Variants in HCFC2 observed in about 807,000 individuals in gnomAD.
HCFC2 encodes the protein host cell factor C2.
In HCFC2, 18 loss-of-function variants were observed where a neutral mutation model predicts 89.2. The observed-to-expected ratio is 0.20, with a 90% CI of 0.14 to 0.30. The LOEUF is 0.30. Among genes scored for constraint, HCFC2 ranks in the 10% least tolerant of loss-of-function variants. HCFC2 has a pLI of 1.00. For missense variants in HCFC2, 578 were observed against 956.1 expected (o/e 0.60, Z 5.21); for synonymous variants, 308 against 335.7 (o/e 0.92, Z 0.90).
intron 9 of HCFC2, among the ~76,000 whole-genome samples, chr12:104,090,237 T>C (rs908865037): frequency 2.0e-5 from 3 of 152,248 alleles, no homozygotes; most frequent in Non-Finnish European, 2.9e-5. Context: ...ATTGGAAGTT[T>C]TTCCCTCAGA....
chr12:104,085,149 A>G (rs890782589), intron 7 of HCFC2, among the ~76,000 whole-genome samples: 2 of 152,232 alleles, frequency 1.3e-5, no homozygotes, highest in African/African-American at 4.8e-5. Context: ...GACACACACC[A>G]AAGCATTATC....
At chr12:104,092,000 TGAG>T (rs955405467) in intron 9 of HCFC2, among the ~76,000 whole-genome samples, 8 of 152,126 alleles carry the variant, frequency 5.3e-5, no homozygotes, top group Admixed American at 5.2e-4. Flanking sequence ...CTCAGAGCTA[TGAG>T]AAATTATGAG....
intron 3 of HCFC2, among the ~76,000 whole-genome samples, chr12:104,076,839 C>T (rs1262220958): frequency 6.6e-6 from 1 of 152,046 alleles, no homozygotes; most frequent in Admixed American, 6.6e-5. Context: ...TATAATAGGG[C>T]AGTTTTATTC....
In HCFC2 at chr12:104,104,692, A is replaced by C. The variant is rs926439553; in HGVS notation, c.*1419A>C. 1.3e-5 allele frequency: 2 copies of C among 151,996 alleles called. No homozygotes were observed. The highest frequency in any genetic ancestry group is 2.9e-5 in the Non-Finnish European group (2 of 67,862). The allele number at this position is 151,996 out of a possible 1,614,324, so 9.4% of individuals were successfully genotyped here. ...AATTTAAAGTGTATAGAATATTTTA[A>C]TATATAATTTTTGTAAAGAACTGGG... On this transcript the variant is annotated 3_prime_UTR_variant, in exon 15 of 15. Transcript: ENST00000229330.
chr12:104,096,291 T>G, intron 11 of HCFC2, 69 bp from the exon 12 acceptor site: 1 of 1,052,880 alleles, frequency 9.5e-7, no homozygotes, highest in Non-Finnish European at 1.4e-6. Context: ...AAATATATAT[T>G]TAAAAATTAT....
chr12:104,069,736 G>C (rs909639963), intron 3 of HCFC2, among the ~76,000 whole-genome samples: 5 of 151,484 alleles, frequency 3.3e-5, no homozygotes, highest in Admixed American at 1.3e-4. Context: ...GAATGTGCAG[G>C]TTTGTTACAT....
Position 104,106,061 on chromosome 12 carries a change from A to T in HCFC2, c.*2788A>T, listed in dbSNP as rs2030077009. On this transcript the variant is annotated 3_prime_UTR_variant, in exon 15 of 15. Transcript: ENST00000229330. ...GTTTAATAAACTTCTTTGGCAACTT[A>T]ATTAGACATAGGGTATATATAAACT... The T allele has an allele frequency of 6.6e-6, 1 of 152,112 alleles. No individual in the cohort carries two copies. The highest frequency in any genetic ancestry group is 2.4e-5 in the African/African-American group (1 of 41,454). The allele number at this position is 152,112 out of a possible 1,614,324, so 9.4% of individuals were successfully genotyped here.
rs777961588 is a variant in HCFC2, at chr12:104,086,937, G to T, written c.1154G>T (p.Gly385Val). The T allele has an allele frequency of 6.2e-7, 1 of 1,614,056 alleles. No individual in the cohort carries two copies. The highest frequency in any genetic ancestry group is 8.5e-7 in the Non-Finnish European group (1 of 1,179,942). ...TGGGATGAAGTGTCTACAGTTGAGG[G>T]CTATCTTTTGCAGTTGAGTACAGAC... ...VKWDEVSTVEGYLLQLSTDLP... is the reference protein window; with the variant it reads ...VKWDEVSTVEVYLLQLSTDLP... The change falls in exon 8 of 15, where the codon GGC becomes GTC. Residue 385 changes from glycine (G) to valine (V), a missense_variant. Gly to Val is a moderately radical substitution (Grantham distance 109, BLOSUM62 -3). This residue lies in a region of HCFC2 where 210 missense variants were observed against 251.7 expected (regional missense o/e 0.83). Transcript: ENST00000229330.
intron 8 of HCFC2, 79 bp downstream of exon 8, chr12:104,087,093 G>T: frequency 7.3e-7 from 1 of 1,374,232 alleles, no homozygotes; most frequent in Non-Finnish European, 1.0e-6. Context: ...GGTGGCTCAC[G>T]CCTGTAATCC....
At chr12:104,086,592 T>C (rs1479804976) in intron 7 of HCFC2, among the ~76,000 whole-genome samples, 1 of 149,672 alleles carries the variant, frequency 6.7e-6, no homozygotes, top group East Asian at 2.0e-4. Context: ...TACTGGATTG[T>C]TTTGTTTATA....
intron 7 of HCFC2, among the ~76,000 whole-genome samples, chr12:104,085,292 G>T (rs1436881685): frequency 6.6e-6 from 1 of 152,030 alleles, no homozygotes; most frequent in African/African-American, 2.4e-5. Flanking sequence ...AAAAAATAAT[G>T]AAACAAGAGA....
intron 13 of HCFC2, among the ~76,000 whole-genome samples, chr12:104,099,486 A>C (rs552175266): frequency 5.3e-5 from 8 of 152,294 alleles, no homozygotes; most frequent in African/African-American, 1.9e-4. Context: ...CTGCAGTCCC[A>C]GCTACTCAGG....
intron 1 of HCFC2, among the ~76,000 whole-genome samples, chr12:104,065,893 C>G (rs964697202): frequency 6.6e-6 from 1 of 152,004 alleles, no homozygotes; most frequent in Non-Finnish European, 1.5e-5. Context: ...CCTTTTGGGC[C>G]AGGTAATTCT....
chr12:104,080,075 C>G (rs1020700915), intron 4 of HCFC2, among the ~76,000 whole-genome samples: 1 of 152,152 alleles, frequency 6.6e-6, no homozygotes, highest in Non-Finnish European at 1.5e-5. Flanking sequence ...GTAGTTCTCT[C>G]TAAAGGGATC....
At chr12:104,067,340 A>AT (rs1883181828) in intron 2 of HCFC2, among the ~76,000 whole-genome samples, 1 of 152,320 alleles carries the variant, frequency 6.6e-6, no homozygotes, top group Admixed American at 6.5e-5. Flanking sequence ...ACCTTTCTAA[A>AT]TTTGAGTCTT....
At chr12:104,085,646 G>A (rs1408867935) in intron 7 of HCFC2, among the ~76,000 whole-genome samples, 1 of 151,468 alleles carries the variant, frequency 6.6e-6, no homozygotes, top group Non-Finnish European at 1.5e-5. Flanking sequence ...TATAGATTTT[G>A]CTTTTCCTCT....
At chr12:104,067,421 T>G (rs1270410683) in intron 2 of HCFC2, among the ~76,000 whole-genome samples, 4 of 152,236 alleles carry the variant, frequency 2.6e-5, no homozygotes, top group Non-Finnish European at 4.4e-5. Flanking sequence ...GCGGTGATCA[T>G]GCGGGTATCT....
chr12:104,087,268 C>T (rs1406738443), intron 8 of HCFC2, among the ~76,000 whole-genome samples: 1 of 150,944 alleles, frequency 6.6e-6, no homozygotes, highest in Non-Finnish European at 1.5e-5. Flanking sequence ...GCAAAAGTAT[C>T]ACTTGAACCC....
intron 12 of HCFC2, among the ~76,000 whole-genome samples, chr12:104,097,207 A>T: frequency 6.6e-6 from 1 of 152,284 alleles, no homozygotes; most frequent in Middle Eastern, 3.4e-3. Flanking sequence ...AACCTTTAGA[A>T]TCTTTAAGAA....
Sources: allele counts gnomAD v4.1 joint callset (sites outside exome capture counted in the v4.1 genomes callset), GRCh38; gene constraint gnomAD v4.1.1; regional missense constraint gnomAD v4.1.1; transcripts MANE v1.5; gene names NCBI Gene and HGNC (gene_info 2026-07-23, HGNC 2026-07-21).